The following SCHIP1 variants were observed in gnomAD, a reference collection of about 807,000 sequenced individuals.
SCHIP1 encodes the protein schwannomin-interacting protein 1.
A neutral mutation model predicts 29.7 loss-of-function variants in SCHIP1; 8 were observed. The observed-to-expected ratio is 0.27, with a 90% CI of 0.16 to 0.49. The LOEUF is 0.49. SCHIP1 is among the 20% of genes least tolerant of loss of function. The pLI, the probability that SCHIP1 is intolerant of heterozygous loss-of-function variation, is 0.99. For missense variants in SCHIP1, 193 were observed against 294.6 expected (o/e 0.66, Z 2.52); for synonymous variants, 76 against 94.9 (o/e 0.80, Z 1.16).
the SCHIP1 span, among the ~76,000 whole-genome samples, chr3:159,753,800 CAGCTTAG>C: frequency 6.6e-6 from 1 of 152,184 alleles, no homozygotes; most frequent in Admixed American, 6.5e-5. Flanking sequence ...TTTCTTACTC[CAGCTTAG>C]TGATTCCTTC....
At chr3:159,282,764 A>G in the SCHIP1 span, 1 of 151,532 alleles carries the variant, frequency 6.6e-6, no homozygotes, top group Admixed American at 6.6e-5. Flanking sequence ...AAATAAATCC[A>G]TTAGAATCTG....
the SCHIP1 span, among the ~76,000 whole-genome samples, chr3:159,795,587 A>G: frequency 2.6e-5 from 4 of 152,222 alleles, no homozygotes; most frequent in African/African-American, 9.7e-5. Context: ...CTGACATGCA[A>G]AGAGTCCCTG....
At chr3:159,503,366 C>A in the SCHIP1 span, among the ~76,000 whole-genome samples, 18 of 152,200 alleles carry the variant, frequency 1.2e-4, no homozygotes, top group Non-Finnish European at 2.6e-4. Context: ...GTTTTCCTTT[C>A]ATCACTCTTA....
the SCHIP1 span, among the ~76,000 whole-genome samples, chr3:159,506,404 C>G: frequency 1.3e-5 from 2 of 152,142 alleles, no homozygotes; most frequent in Admixed American, 1.3e-4. Context: ...AGTTTTCTCC[C>G]ATTCTGTAGG....
At chr3:159,635,678 T>C in the SCHIP1 span, among the ~76,000 whole-genome samples, 2 of 152,202 alleles carry the variant, frequency 1.3e-5, no homozygotes, top group Non-Finnish European at 2.9e-5. Context: ...TTACTCTCAT[T>C]TGAAAACATT....
chr3:159,790,231 A>T, the SCHIP1 span, among the ~76,000 whole-genome samples: 1 of 152,230 alleles, frequency 6.6e-6, no homozygotes, highest in Admixed American at 6.5e-5. Context: ...GCTTTTAGTG[A>T]ATCATTAAAA....
At chr3:159,771,144 G>A in the SCHIP1 span, among the ~76,000 whole-genome samples, 1 of 152,040 alleles carries the variant, frequency 6.6e-6, no homozygotes, top group Non-Finnish European at 1.5e-5. Flanking sequence ...TTTCTTCCTA[G>A]AATGGTACTA....
chr3:159,507,574 G>A, the SCHIP1 span, among the ~76,000 whole-genome samples: 1 of 152,188 alleles, frequency 6.6e-6, no homozygotes, highest in East Asian at 1.9e-4. Flanking sequence ...TCCAGTTTTT[G>A]CCCTTTCAGT....
the SCHIP1 span, among the ~76,000 whole-genome samples, chr3:159,715,673 G>A: frequency 6.6e-6 from 1 of 152,166 alleles, no homozygotes; most frequent in Non-Finnish European, 1.5e-5. Context: ...TCAAATAAAT[G>A]AAATGAAGTG....
chr3:159,420,682 A>C, the SCHIP1 span, among the ~76,000 whole-genome samples: 13 of 152,200 alleles, frequency 8.5e-5, no homozygotes, highest in South Asian at 1.0e-3. Context: ...TACTGGAAAC[A>C]ATGGCATAAT....
the SCHIP1 span, among the ~76,000 whole-genome samples, chr3:159,432,116 C>A: frequency 6.6e-6 from 1 of 152,048 alleles, no homozygotes; most frequent in Admixed American, 6.6e-5. Context: ...AAGACGTTGA[C>A]TGGAGCTAAA....
At chr3:159,537,710 G>A in the SCHIP1 span, among the ~76,000 whole-genome samples, 1 of 152,042 alleles carries the variant, frequency 6.6e-6, no homozygotes, top group Admixed American at 6.6e-5. Context: ...TGGCTTCCAT[G>A]GAAGGGAAGG....
the SCHIP1 span, among the ~76,000 whole-genome samples, chr3:159,766,343 A>T: frequency 1.3e-5 from 2 of 152,200 alleles, no homozygotes; most frequent in African/African-American, 4.8e-5. Flanking sequence ...CCCTTGGCTG[A>T]CAGAGCCTGC....
At chr3:159,746,813 C>T in the SCHIP1 span, among the ~76,000 whole-genome samples, 1 of 152,350 alleles carries the variant, frequency 6.6e-6, no homozygotes, top group East Asian at 1.9e-4. Flanking sequence ...TTTGACCATA[C>T]TGTTCCCCCA....
chr3:159,448,450 G>T, the SCHIP1 span, among the ~76,000 whole-genome samples: 1 of 152,108 alleles, frequency 6.6e-6, no homozygotes, highest in Non-Finnish European at 1.5e-5. Context: ...CAGAATGGCG[G>T]CAGAGTGAGA....
At chr3:159,504,534 C>G in the SCHIP1 span, among the ~76,000 whole-genome samples, 1 of 152,028 alleles carries the variant, frequency 6.6e-6, no homozygotes, top group Non-Finnish European at 1.5e-5. Context: ...TTTAACACAC[C>G]AGCATTGCTT....
chr3:159,282,288 G>A, the SCHIP1 span, among the ~76,000 whole-genome samples: 6 of 151,910 alleles, frequency 3.9e-5, no homozygotes, highest in South Asian at 2.1e-4. Context: ...TTTAAAACCT[G>A]AATTTCTTTT....
At chr3:159,472,561 T>A in the SCHIP1 span, among the ~76,000 whole-genome samples, 1 of 152,204 alleles carries the variant, frequency 6.6e-6, no homozygotes, top group African/African-American at 2.4e-5. Context: ...TGTGGTTGTG[T>A]TACTACAACC....
chr3:159,549,072 C>A, the SCHIP1 span, among the ~76,000 whole-genome samples: 1 of 152,126 alleles, frequency 6.6e-6, no homozygotes, highest in Non-Finnish European at 1.5e-5. Context: ...ACTGAAATTG[C>A]AAACTCTATC....
Sources: gnomAD v4.1 joint callset for allele counts (sites outside exome capture counted in the v4.1 genomes callset) on GRCh38, gnomAD v4.1.1 for gene constraint, MANE v1.5 for transcripts, NCBI Gene and HGNC (gene_info 2026-07-23, HGNC 2026-07-21) for gene names.